The following CCS variants were observed in gnomAD, a reference collection of about 807,000 sequenced individuals.
The protein encoded by CCS is superoxide dismutase copper chaperone.
A neutral mutation model predicts 35.5 loss-of-function variants in CCS; 32 were observed. That is an observed-to-expected ratio of 0.90 (90% confidence interval 0.68 to 1.21). CCS has a LOEUF of 1.21. CCS is among the 50% of genes most tolerant of loss of function. The pLI, the probability that CCS is intolerant of heterozygous loss-of-function variation, is 0.00. For missense variants in CCS, 342 were observed against 375.4 expected (o/e 0.91, Z 0.73); for synonymous variants, 130 against 147.2 (o/e 0.88, Z 0.84).
Position 66,599,574 on chromosome 11 carries a change from G to A in CCS, c.366G>A (p.Leu122=). 6.2e-7 allele frequency: 1 copy of A among 1,606,078 alleles called. No homozygotes were observed. The change falls in exon 4 of 8, where the codon CTG becomes CTA. Residue 122 remains leucine, a synonymous_variant. Coordinates refer to ENST00000533244, the MANE Select transcript of CCS (RefSeq NM_005125.2). ...TCATCGAGGGAACTATTGACGGCCT[G>A]GAGCCTGGGCTGCATGGACTCCACG... ...RCLIEGTIDG[L]EPGLHGLHVH...
Position 66,605,943 on chromosome 11 carries a change from T to C in CCS, c.*88T>C, listed in dbSNP as rs1479223261. ...GGCCAGAGGGACTTTGCCTGCCCAG[T>C]CTTTGGAGAGCTCAGTACAGGGCAG... On this transcript the variant is annotated 3_prime_UTR_variant, in exon 8 of 8. Transcript: ENST00000533244. 1 of 1,369,196 alleles carries C rather than the reference T, an allele frequency of 7.3e-7. No individual in the cohort carries two copies. Among genetic ancestry groups the C allele is most frequent in the African/African-American group, 1.5e-5 (1 of 68,964 alleles). 84.8% of individuals were successfully genotyped at this position (1,369,196 alleles called of 1,614,324 possible).
chr11:66,601,118 G>A (rs979786064), intron 5 of CCS, among the ~76,000 whole-genome samples: 2 of 152,140 alleles, frequency 1.3e-5, no homozygotes, highest in Non-Finnish European at 2.9e-5. Flanking sequence ...CTGAGATGGA[G>A]TTTTGTTCTT....
chr11:66,598,083 CAA>C (rs111850375), intron 2 of CCS, among the ~76,000 whole-genome samples: 6 of 112,042 alleles, frequency 5.4e-5, no homozygotes, highest in Non-Finnish European at 3.8e-5. Context: ...GACTCTGTCT[CAA>C]AAAAAAAAAA....
chr11:66,600,142 A>C (rs552570487), intron 4 of CCS: 1 of 198,060 alleles, frequency 5.0e-6, no homozygotes, highest in African/African-American at 2.3e-5. Flanking sequence ...CAAGAAAAAA[A>C]ATAAAATCTG....
intron 1 of CCS, 73 bp from the exon 2 acceptor site, chr11:66,593,569 G>T: frequency 6.7e-7 from 1 of 1,482,562 alleles, no homozygotes; most frequent in East Asian, 2.3e-5. Context: ...GTGGTCATAG[G>T]GTAGGTGGTG....
intron 2 of CCS, among the ~76,000 whole-genome samples, 193 bp from the exon 3 acceptor site, chr11:66,598,923 C>T (rs536581300): frequency 6.6e-6 from 1 of 152,226 alleles, no homozygotes; most frequent in East Asian, 1.9e-4. Context: ...GGCATTATCC[C>T]CATTTATATG....
chr11:66,603,735 A>G (rs1232303841), intron 5 of CCS, among the ~76,000 whole-genome samples: 1 of 152,188 alleles, frequency 6.6e-6, no homozygotes, highest in Non-Finnish European at 1.5e-5. Context: ...AGTCCCAGCT[A>G]CTTGGGAGGT....
intron 4 of CCS, 99 bp downstream of exon 4, chr11:66,599,735 C>T (rs1326208302): frequency 8.7e-7 from 1 of 1,149,260 alleles, no homozygotes; most frequent in Non-Finnish European, 1.2e-6. Context: ...CAGGCACAAC[C>T]TCCAGATGAG....
At chr11:66,593,755 C>T (rs1858425075) in intron 2 of CCS, 41 bp downstream of exon 2, 1 of 1,571,886 alleles carries the variant, frequency 6.4e-7, no homozygotes, top group Non-Finnish European at 8.8e-7. Flanking sequence ...GTCCAGAAGC[C>T]TCTGGGAGGG....
chr11:66,601,740 T>G (rs1791684), intron 5 of CCS, among the ~76,000 whole-genome samples: 65,520 of 151,866 alleles, frequency 0.43, 15,935 homozygotes, highest in South Asian at 0.6. Flanking sequence ...ATTTTTTTTT[T>G]TTGTTTTTTT....
At chr11:66,599,071 C>T (rs375884239) in intron 2 of CCS, 45 bp from the exon 3 acceptor site, 9 of 1,613,248 alleles carry the variant, frequency 5.6e-6, no homozygotes, top group African/African-American at 1.3e-5. Flanking sequence ...GCTGCCAGCA[C>T]TGGGTGCCAG....
intron 2 of CCS, 38 bp from the exon 3 acceptor site, chr11:66,599,078 C>T (rs368865079): frequency 3.2e-5 from 51 of 1,613,328 alleles, no homozygotes; most frequent in Non-Finnish European, 4.2e-5. Context: ...GCACTGGGTG[C>T]CAGCCTCTGT....
chr11:66,601,084 C>G (rs1049370177), intron 5 of CCS, among the ~76,000 whole-genome samples: 2 of 152,096 alleles, frequency 1.3e-5, no homozygotes, highest in Admixed American at 1.3e-4. Flanking sequence ...GTTACTCAAT[C>G]ATTTGGTTTT....
chr11:66,595,110 T>C (rs1481756653), intron 2 of CCS, among the ~76,000 whole-genome samples: 1 of 152,208 alleles, frequency 6.6e-6, no homozygotes, highest in African/African-American at 2.4e-5. Context: ...TGTGTCTCTG[T>C]TTCTTCTGTG....
Position 66,603,973 on chromosome 11 carries a change from G to C in CCS, c.490-1366G>C, listed in dbSNP as rs1255956704. ...ACCTGGGGGGTGGGGAGGTTGCAGT[G>C]AGCCCAGATCGCACCACTGCACTCC... On this transcript the variant is annotated intron_variant, in intron 5 of 7. Coordinates refer to ENST00000533244, the MANE Select transcript of CCS (RefSeq NM_005125.2). 7.2e-5 allele frequency among the ~76,000 whole-genome samples: 11 copies of C among 152,026 alleles called. No homozygotes were observed. The South Asian group carries it at 1.7e-3, about 23-fold the overall frequency.
chr11:66,599,442 T>A lies in CCS; in HGVS notation c.251-17T>A. 6.6e-7 allele frequency: 1 copy of A among 1,513,926 alleles called. No homozygotes were observed. The highest frequency in any genetic ancestry group is 8.8e-7 in the Non-Finnish European group (1 of 1,133,786). The allele number at this position is 1,513,926 out of a possible 1,614,324, so 93.8% of individuals were successfully genotyped here. A position where few individuals can be genotyped will look rare whatever the true frequency, so the allele number is the denominator to read the frequency against. On this transcript the variant is annotated splice_polypyrimidine_tract_variant and intron_variant, in intron 3 of 7. Transcript: ENST00000533244. ...GGGTGAGGTGGCAAGCCAGCCCAAG[T>A]GTCTAATACCTTGCAGAGAATCTGG...
intron 5 of CCS, among the ~76,000 whole-genome samples, chr11:66,604,753 A>G (rs1858627401): frequency 6.6e-6 from 1 of 152,184 alleles, no homozygotes; most frequent in South Asian, 2.1e-4. Context: ...ATTACCGTCA[A>G]AGGAGAAGGA....
chr11:66,599,579 C>T lies in CCS; in HGVS notation c.371C>T (p.Pro124Leu), dbSNP rs748883006. ...LIEGTIDGLE[P>L]GLHGLHVHQY... The stretch of plus-strand genomic sequence containing the variant: ...GAGGGAACTATTGACGGCCTGGAGC[C>T]TGGGCTGCATGGACTCCACGTCCAT... Residue 124 changes from proline (P) to leucine (L), a missense_variant, in exon 4 of 8, where the codon CCT becomes CTT. Transcript: ENST00000533244. 3.1e-6 allele frequency: 5 copies of T among 1,606,404 alleles called. No homozygotes were observed. The East Asian group carries it at 9.0e-5, about 29-fold the overall frequency.
chr11:66,599,353 T>C, intron 3 of CCS, 100 bp downstream of exon 3: 1 of 1,497,534 alleles, frequency 6.7e-7, no homozygotes, highest in East Asian at 2.3e-5. Flanking sequence ...TGGAGTGGCT[T>C]TGAGGAAGGT....
Sources: gnomAD v4.1 joint callset for allele counts (sites outside exome capture counted in the v4.1 genomes callset) on GRCh38, gnomAD v4.1.1 for gene constraint, MANE v1.5 for transcripts, NCBI Gene and HGNC (gene_info 2026-07-23, HGNC 2026-07-21) for gene names.